Variants in SPTLC3 observed in about 807,000 individuals in gnomAD.
SPTLC3 encodes serine palmitoyltransferase 3.
Under a neutral mutation model 59.3 loss-of-function variants are expected in SPTLC3, and 36 were observed. The observed-to-expected ratio is 0.61, with a 90% CI of 0.47 to 0.80. The LOEUF is 0.80. Among genes scored for constraint, SPTLC3 ranks in the 30% least tolerant of loss-of-function variants. The pLI is 0.00. For missense variants in SPTLC3, 625 were observed against 685.1 expected, an observed-to-expected ratio of 0.91 and a Z score of 0.98; for synonymous variants, 257 against 240.8, an observed-to-expected ratio of 1.07 and a Z score of -0.62.
In SPTLC3 at chr20:13,117,600, G is replaced by A. The variant is rs1270820735; in HGVS notation, c.1027G>A (p.Ala343Thr). 1.9e-6 allele frequency: 3 copies of A among 1,613,976 alleles called. No homozygotes were observed. Among genetic ancestry groups the A allele is most frequent in the Non-Finnish European group, 2.5e-6 (3 of 1,179,958 alleles). ...CATAGATGAAGCTCACAGTATTGGG[G>A]CCGTGGGCCCAACCGGCCGGGGTGT... ...LYIDEAHSIG[A>T]VGPTGRGVTE... Residue 343 changes from alanine (A) to threonine (T), a missense_variant, in exon 8 of 12, where the codon GCC (alanine) becomes ACC (threonine). By Grantham distance (58) the Ala-to-Thr change is moderately conservative (BLOSUM62 0). Coordinates refer to ENST00000399002, the MANE Select transcript of SPTLC3 (RefSeq NM_018327.4).
At chr20:13,104,273 G>A (rs930291343) in intron 6 of SPTLC3, among the ~76,000 whole-genome samples, 14 of 152,138 alleles carry the variant, frequency 9.2e-5, no homozygotes, top group Non-Finnish European at 1.8e-4. Flanking sequence ...TTGAATTGTA[G>A]CTCCCATAAT....
intron 1 of SPTLC3, among the ~76,000 whole-genome samples, chr20:13,039,233 ATAT>A (rs2122464189): frequency 6.6e-6 from 1 of 150,974 alleles, no homozygotes; most frequent in African/African-American, 2.5e-5. Flanking sequence ...AAAGACTCTA[ATAT>A]TATTATGAAA....
At chr20:13,140,702 A>G (rs553291682) in intron 9 of SPTLC3, among the ~76,000 whole-genome samples, 1 of 152,332 alleles carries the variant, frequency 6.6e-6, no homozygotes, top group East Asian at 1.9e-4. Context: ...TAGGAGAAAA[A>G]AGTTGATTAA....
chr20:13,058,069 T>C (rs1474281343), intron 2 of SPTLC3, among the ~76,000 whole-genome samples: 1 of 152,226 alleles, frequency 6.6e-6, no homozygotes, highest in Non-Finnish European at 1.5e-5. Flanking sequence ...TATTTCCTAG[T>C]ACCCACACAA....
At chr20:13,126,534 C>A in intron 8 of SPTLC3, 57 bp from the exon 9 acceptor site, 3 of 1,596,546 alleles carry the variant, frequency 1.9e-6, no homozygotes, top group Non-Finnish European at 2.6e-6. Context: ...ATGTAATTCC[C>A]ACCACCAGTG....
intron 9 of SPTLC3, among the ~76,000 whole-genome samples, chr20:13,139,654 A>G (rs2038335450): frequency 6.6e-6 from 1 of 152,182 alleles, no homozygotes; most frequent in Non-Finnish European, 1.5e-5. Context: ...CCTAACCACA[A>G]AGGAACCTGG....
intron 1 of SPTLC3, among the ~76,000 whole-genome samples, chr20:13,043,713 C>G (rs568756545): frequency 6.6e-6 from 1 of 152,298 alleles, no homozygotes; most frequent in South Asian, 2.1e-4. Context: ...CCTATATACA[C>G]TCAGTCTTTA....
chr20:13,135,698 C>A (rs2038225562), intron 9 of SPTLC3, among the ~76,000 whole-genome samples: 1 of 152,144 alleles, frequency 6.6e-6, no homozygotes, highest in South Asian at 2.1e-4. Flanking sequence ...CAACACTTAA[C>A]CAGAGACAGG....
At chr20:13,043,914 C>A (rs900736960) in intron 1 of SPTLC3, among the ~76,000 whole-genome samples, 3 of 152,066 alleles carry the variant, frequency 2.0e-5, no homozygotes, top group Non-Finnish European at 4.4e-5. Flanking sequence ...AGATTACTTA[C>A]TCAAGTTTTC....
chr20:13,074,316 G>A (rs750425739), intron 3 of SPTLC3, 33 bp from the exon 4 acceptor site: 2 of 1,609,650 alleles, frequency 1.2e-6, no homozygotes, highest in Admixed American at 3.3e-5. Context: ...CCTGGGGAGG[G>A]GATTATGTGC....
At chr20:13,056,125 C>T (rs1429166358) in intron 2 of SPTLC3, among the ~76,000 whole-genome samples, 2 of 152,170 alleles carry the variant, frequency 1.3e-5, no homozygotes, top group African/African-American at 4.8e-5. Context: ...GCAGCCTGCA[C>T]TTCAACACTT....
At chr20:13,042,985 C>G (rs1161107061) in intron 1 of SPTLC3, among the ~76,000 whole-genome samples, 1 of 152,154 alleles carries the variant, frequency 6.6e-6, no homozygotes, top group East Asian at 1.9e-4. Flanking sequence ...AGATTTTTAA[C>G]CAGGCTCCTA....
chr20:13,072,519 T>C, intron 3 of SPTLC3, 109 bp downstream of exon 3: 1 of 1,235,132 alleles, frequency 8.1e-7, no homozygotes, highest in South Asian at 1.6e-5. Context: ...AAGCCATTGG[T>C]TTTGTATCAT....
intron 9 of SPTLC3, among the ~76,000 whole-genome samples, chr20:13,137,689 C>G (rs1243239667): frequency 2.0e-5 from 3 of 152,106 alleles, no homozygotes; most frequent in African/African-American, 7.2e-5. Context: ...TGTTTAAAAA[C>G]ATAGATAAGT....
At chr20:13,115,073 C>T (rs1457750078) in intron 7 of SPTLC3, among the ~76,000 whole-genome samples, 1 of 151,822 alleles carries the variant, frequency 6.6e-6, no homozygotes, top group Non-Finnish European at 1.5e-5. Context: ...AAAAGAAAAA[C>T]ACAACCTTCC....
chr20:13,089,830 T>C (rs1450049131), intron 4 of SPTLC3, among the ~76,000 whole-genome samples: 2 of 151,916 alleles, frequency 1.3e-5, no homozygotes, highest in Admixed American at 1.3e-4. Flanking sequence ...TTTTACATTC[T>C]TTTTGTCATC....
intron 1 of SPTLC3, among the ~76,000 whole-genome samples, chr20:13,044,384 G>A (rs1456931360): frequency 6.6e-6 from 1 of 152,132 alleles, no homozygotes; most frequent in Non-Finnish European, 1.5e-5. Flanking sequence ...TTACAGGCAT[G>A]AGCCACAGCG....
chr20:13,052,263 G>A (rs6134759), intron 2 of SPTLC3, among the ~76,000 whole-genome samples: 52,277 of 151,944 alleles, frequency 0.34, 9,268 homozygotes, highest in South Asian at 0.46. Context: ...CCTGGGAAGC[G>A]CAAGGGGTTG....
chr20:13,074,641 A>G, intron 4 of SPTLC3, 144 bp downstream of exon 4: 1 of 1,010,250 alleles, frequency 9.9e-7, no homozygotes. Flanking sequence ...ATATTTTGGG[A>G]AATTTCAAGC....
Sources: gnomAD v4.1 joint callset for allele counts (sites outside exome capture counted in the v4.1 genomes callset) on GRCh38, gnomAD v4.1.1 for gene constraint, MANE v1.5 for transcripts, NCBI Gene and HGNC (gene_info 2026-07-23, HGNC 2026-07-21) for gene names.